Variants in DHRS9 observed in about 807,000 individuals in gnomAD.
DHRS9 encodes dehydrogenase/reductase 9.
A neutral mutation model predicts 26.6 loss-of-function variants in DHRS9; 18 were observed. That is an observed-to-expected ratio of 0.68 (90% CI 0.47 to 1.00). The LOEUF (loss-of-function observed/expected upper bound fraction) is 1.00. Among genes scored for constraint, DHRS9 ranks in the 50% least tolerant of loss-of-function variants. The pLI is 0.00. For missense variants in DHRS9, 425 were observed against 378.7 expected (o/e 1.12, Z -1.01); for synonymous variants, 134 against 141.1 (o/e 0.95, Z 0.36).
chr2:169,085,108 C>A (rs747759378), intron 3 of DHRS9, among the ~76,000 whole-genome samples: 1 of 152,142 alleles, frequency 6.6e-6, no homozygotes, highest in Non-Finnish European at 1.5e-5. Flanking sequence ...TTCCCCAATA[C>A]ATGTTCTTGA....
chr2:169,084,446 C>G lies in DHRS9; in HGVS notation c.572+859C>G, dbSNP rs533799706. ...TTTCCATAGTGGTTGTACTAATTTA[C>G]ATTCCCACCAATAGTGTACGAGGAT... On this transcript the variant is annotated intron_variant, in intron 3 of 4. Transcript: ENST00000674881. Among the ~76,000 whole-genome samples, 11 of 152,296 alleles carry G rather than the reference C, an allele frequency of 7.2e-5. 1 individual carries two copies. In the South Asian group the frequency reaches 2.3e-3, roughly 32 times the overall value.
chr2:169,091,756 C>T (rs1295667261), intron 3 of DHRS9, 34 bp from the exon 4 acceptor site: 37 of 1,549,816 alleles, frequency 2.4e-5, no homozygotes, highest in Non-Finnish European at 3.1e-5. Flanking sequence ...TAAACAAACC[C>T]GGATTAAACA....
intron 1 of DHRS9, among the ~76,000 whole-genome samples, chr2:169,080,587 A>T (rs1329458331): frequency 6.6e-6 from 1 of 152,256 alleles, no homozygotes; most frequent in Non-Finnish European, 1.5e-5. Context: ...GGGGAAACGC[A>T]GATGCAGGCT....
intron 1 of DHRS9, chr2:169,070,329 T>C (rs991849116): frequency 7.1e-5 from 70 of 985,332 alleles, no homozygotes; most frequent in Non-Finnish European, 8.3e-5. Context: ...CTCCCCATTT[T>C]ATGATCCGGT....
chr2:169,083,325 C>T lies in DHRS9; in HGVS notation c.314-4C>T, dbSNP rs758544734. 4 of 1,613,568 alleles carry T rather than the reference C, an allele frequency of 2.5e-6. No individual in the cohort carries two copies. In the South Asian group the frequency reaches 4.4e-5, roughly 18 times the overall value. ...ACACCTCTTTTCCTTCCTCTCTGTT[C>T]TAGGTCTCTGGGGTCTGATCAATAA... is the stretch of plus-strand genomic sequence containing the variant. On this transcript the variant is annotated splice_polypyrimidine_tract_variant and splice_region_variant and intron_variant, in intron 2 of 4. Coordinates refer to ENST00000674881, the MANE Select transcript of DHRS9 (RefSeq NM_001376924.1).
chr2:169,079,343 C>T (rs1336041571), intron 1 of DHRS9, among the ~76,000 whole-genome samples: 1 of 151,720 alleles, frequency 6.6e-6, no homozygotes, highest in Non-Finnish European at 1.5e-5. Context: ...GTTTAAAATT[C>T]TGTGTGTATG....
intron 1 of DHRS9, chr2:169,074,370 C>T: frequency 1.0e-6 from 1 of 985,408 alleles, no homozygotes; most frequent in Non-Finnish European, 1.2e-6. Context: ...AACTACTGCT[C>T]TACTGCCTCG....
At chr2:169,087,278 G>C (rs1273421672) in intron 3 of DHRS9, among the ~76,000 whole-genome samples, 3 of 152,158 alleles carry the variant, frequency 2.0e-5, no homozygotes, top group Non-Finnish European at 2.9e-5. Flanking sequence ...AGGCCTGCGG[G>C]AAGTATTGCC....
In DHRS9 at chr2:169,079,526, G is replaced by T. The variant is rs947568673; in HGVS notation, c.-59-1997G>T. Among the ~76,000 whole-genome samples the T allele has an allele frequency of 2.6e-5, 4 of 151,976 alleles. No individual in the cohort carries two copies. The South Asian group carries it at 6.2e-4, about 24-fold the overall frequency. On this transcript the variant is annotated intron_variant, in intron 1 of 4. Transcript: ENST00000674881. ...AAAAAAATAAATGATTTTTGAAAAGGATTCGAAGGAAAAATTAGGAAATAA... is the reference window on the plus strand; with the variant it reads ...AAAAAAATAAATGATTTTTGAAAAGTATTCGAAGGAAAAATTAGGAAATAA...
At chr2:169,083,198 A>T in intron 2 of DHRS9, 131 bp from the exon 3 acceptor site, 1 of 1,183,618 alleles carries the variant, frequency 8.4e-7, no homozygotes, top group Non-Finnish European at 1.2e-6. Context: ...AAAACTGCGA[A>T]GTATTTCAGA....
chr2:169,067,435 T>C (rs1391331718), upstream of DHRS9, among the ~76,000 whole-genome samples: 1 of 152,174 alleles, frequency 6.6e-6, no homozygotes, highest in Admixed American at 6.5e-5. Context: ...AAGATACTCT[T>C]GGGTAGAAGT....
chr2:169,072,563 C>A, intron 1 of DHRS9: 2 of 978,920 alleles, frequency 2.0e-6, no homozygotes, highest in Non-Finnish European at 2.4e-6. Flanking sequence ...CCTATTTTAA[C>A]TTTTTTACTA....
At chr2:169,091,978 T>A (rs745857477) in intron 4 of DHRS9, 25 bp downstream of exon 4, 1 of 1,609,108 alleles carries the variant, frequency 6.2e-7, no homozygotes, top group Non-Finnish European at 8.5e-7. Context: ...GGTGCCAATG[T>A]CCTCTAGAAT....
chr2:169,072,015 T>G (rs1273148626), intron 1 of DHRS9, among the ~76,000 whole-genome samples: 1 of 151,900 alleles, frequency 6.6e-6, no homozygotes, highest in Non-Finnish European at 1.5e-5. Flanking sequence ...TGGGTTTTTT[T>G]TTTTTTTTTA....
intron 3 of DHRS9, among the ~76,000 whole-genome samples, chr2:169,087,992 C>T (rs796890456): frequency 7.9e-5 from 12 of 152,286 alleles, no homozygotes; most frequent in African/African-American, 2.9e-4. Flanking sequence ...CCTGGCTGCC[C>T]AAGCTGGCAT....
chr2:169,083,767 C>T (rs1684268318), intron 3 of DHRS9, among the ~76,000 whole-genome samples, 180 bp downstream of exon 3: 2 of 152,156 alleles, frequency 1.3e-5, no homozygotes, highest in South Asian at 4.1e-4. Flanking sequence ...TATAAGTATA[C>T]AATGCATAGT....
intron 3 of DHRS9, among the ~76,000 whole-genome samples, chr2:169,091,127 GT>G (rs1684508325): frequency 6.6e-6 from 1 of 152,026 alleles, no homozygotes; most frequent in East Asian, 1.9e-4. Context: ...AGGAACATCT[GT>G]ATATTGGTTT....
At chr2:169,070,312 A>G (rs913181281) in intron 1 of DHRS9, 21 of 985,302 alleles carry the variant, frequency 2.1e-5, no homozygotes, top group African/African-American at 8.7e-5. Context: ...CCTGCTTTAG[A>G]TATTTACTCC....
intron 1 of DHRS9, among the ~76,000 whole-genome samples, chr2:169,076,522 T>G (rs965787601): frequency 1.1e-4 from 16 of 152,226 alleles, no homozygotes; most frequent in Non-Finnish European, 2.9e-5. Flanking sequence ...TACCTATCCA[T>G]TTTTGTATTT....
Sources: gnomAD v4.1 joint callset for allele counts (sites outside exome capture counted in the v4.1 genomes callset) on GRCh38, gnomAD v4.1.1 for gene constraint, MANE v1.5 for transcripts, NCBI Gene and HGNC (gene_info 2026-07-23, HGNC 2026-07-21) for gene names.